Variants in CCSER1 observed in about 807,000 individuals in gnomAD.
CCSER1 encodes serine-rich coiled-coil domain-containing protein 1.
Under a neutral mutation model 82.0 loss-of-function variants are expected in CCSER1, and 41 were observed. The observed-to-expected ratio is 0.50, with a 90% CI of 0.39 to 0.65. CCSER1 has a LOEUF of 0.65. Ranked by LOEUF, CCSER1 falls within the 30% of genes least tolerant of loss-of-function variation. The probability of loss-of-function intolerance (pLI) is 0.00; values close to 1 mark genes in which losing one functional copy is unlikely to be tolerated. For synonymous variants in CCSER1, 414 were observed against 383.9 expected, an observed-to-expected ratio of 1.08 and a Z score of -0.92; for missense variants, 1,119 against 1,064.2, an observed-to-expected ratio of 1.05 and a Z score of -0.72.
At chr4:90,942,159 A>G (rs1427492928) in intron 9 of CCSER1, among the ~76,000 whole-genome samples, 1 of 152,080 alleles carries the variant, frequency 6.6e-6, no homozygotes, top group Non-Finnish European at 1.5e-5. Flanking sequence ...CATGTTGCCC[A>G]GGCTGGTCTT....
intron 9 of CCSER1, among the ~76,000 whole-genome samples, chr4:90,978,726 T>C (rs1735833612): frequency 6.6e-6 from 1 of 151,826 alleles, no homozygotes; most frequent in African/African-American, 2.4e-5. Flanking sequence ...GGTTAGATGA[T>C]GTTCCTTGGA....
chr4:91,139,589 G>A (rs547071379), intron 10 of CCSER1, among the ~76,000 whole-genome samples: 2 of 152,296 alleles, frequency 1.3e-5, no homozygotes, highest in Admixed American at 1.3e-4. Flanking sequence ...CAGGAATAGA[G>A]TGTTGGAGTC....
At position 91,202,555 on chromosome 4, in the gene CCSER1, G is replaced by A. The variant is rs72872989; in HGVS notation, c.2217+116561G>A. 6.5e-3 allele frequency among the ~76,000 whole-genome samples: 981 copies of A among 152,026 alleles called. 7 individuals are homozygous for A. Among genetic ancestry groups the A allele is most frequent in the African/African-American group, 0.022 (930 of 41,498 alleles). ...AGGATTTTTATTGATTGCCGAAAGA[G>A]GCAGGATAGTATTTAAAGATTTTAT... On this transcript the variant is annotated intron_variant, in intron 10 of 10. Transcript: ENST00000509176.
intron 7 of CCSER1, among the ~76,000 whole-genome samples, chr4:90,808,139 G>T (rs1367267496): frequency 2.0e-5 from 3 of 152,022 alleles, no homozygotes; most frequent in Non-Finnish European, 4.4e-5. Context: ...CATACACTGA[G>T]CAAAGAACAC....
chr4:90,326,616 CAGCT>C (rs1738262811), intron 3 of CCSER1, among the ~76,000 whole-genome samples: 1 of 152,102 alleles, frequency 6.6e-6, no homozygotes, highest in Admixed American at 6.5e-5. Context: ...TTTTCATACT[CAGCT>C]AGTTATCTCA....
chr4:90,670,555 C>A (rs954211229), intron 6 of CCSER1, among the ~76,000 whole-genome samples: 2 of 151,990 alleles, frequency 1.3e-5, no homozygotes, highest in Admixed American at 6.6e-5. Flanking sequence ...GGGGAAAGAA[C>A]TTCTGGTAGG....
intron 10 of CCSER1, among the ~76,000 whole-genome samples, chr4:91,092,290 G>C (rs1724045056): frequency 6.6e-6 from 1 of 152,174 alleles, no homozygotes; most frequent in African/African-American, 2.4e-5. Flanking sequence ...CGTAGAGGCA[G>C]TCCAAACCTA....
chr4:91,441,708 A>T lies in CCSER1; in HGVS notation c.2218-156864A>T, dbSNP rs867209015. ...CCCTGTTTGCAGATGACATGACTGT[A>T]TATCTAGAAAACCCCATTGTCTCAG... On this transcript the variant is annotated intron_variant, in intron 10 of 10. Coordinates refer to ENST00000509176, the MANE Select transcript of CCSER1 (RefSeq NM_001145065.2). 4.5e-4 allele frequency among the ~76,000 whole-genome samples: 68 copies of T among 152,268 alleles called. No homozygotes were observed. In the Middle Eastern group the frequency reaches 0.014, roughly 30 times the overall value.
chr4:91,585,518 A>G (rs1763945426), intron 10 of CCSER1, among the ~76,000 whole-genome samples: 1 of 151,542 alleles, frequency 6.6e-6, no homozygotes, highest in Non-Finnish European at 1.5e-5. Flanking sequence ...GTATGTATAT[A>G]CATACATATG....
At chr4:91,000,997 G>T (rs552822557) in intron 9 of CCSER1, among the ~76,000 whole-genome samples, 2 of 152,110 alleles carry the variant, frequency 1.3e-5, no homozygotes, top group East Asian at 1.9e-4. Flanking sequence ...TCCTTGTCTT[G>T]TTCCAGGGGA....
chr4:90,981,671 T>A (rs1400528306), intron 9 of CCSER1, among the ~76,000 whole-genome samples: 4 of 151,818 alleles, frequency 2.6e-5, no homozygotes, highest in African/African-American at 9.7e-5. Context: ...ATAGTTCACA[T>A]CCATCTTGGA....
At chr4:90,472,487 A>G (rs1298983201) in intron 5 of CCSER1, among the ~76,000 whole-genome samples, 1 of 152,208 alleles carries the variant, frequency 6.6e-6, no homozygotes, top group African/African-American at 2.4e-5. Flanking sequence ...ATTTTTCAGC[A>G]TAGCAGGTGA....
intron 5 of CCSER1, among the ~76,000 whole-genome samples, chr4:90,492,742 G>A (rs572002187): frequency 1.3e-5 from 2 of 152,180 alleles, no homozygotes; most frequent in African/African-American, 4.8e-5. Flanking sequence ...TGGTTTCAAA[G>A]AACATCTTTA....
At position 91,070,500 on chromosome 4, in the gene CCSER1, G is replaced by A. The variant is rs77542846; in HGVS notation, c.2173-15450G>A. On this transcript the variant is annotated intron_variant, in intron 9 of 10. Coordinates refer to ENST00000509176, the MANE Select transcript of CCSER1 (RefSeq NM_001145065.2). Reference sequence around the variant, plus strand: ...CAGGGGTCCCTAACCCCCAGGCCACGGACCATGCTTGTCCATGACCTGTTA... The same window carrying A: ...CAGGGGTCCCTAACCCCCAGGCCACAGACCATGCTTGTCCATGACCTGTTA... Among the ~76,000 whole-genome samples, 50 of 152,246 alleles carry A rather than the reference G, an allele frequency of 3.3e-4. No individual in the cohort carries two copies. In the East Asian group the frequency reaches 8.9e-3, roughly 27 times the overall value.
intron 10 of CCSER1, among the ~76,000 whole-genome samples, chr4:91,097,673 A>G (rs1392389934): frequency 6.6e-6 from 1 of 152,202 alleles, no homozygotes; most frequent in East Asian, 1.9e-4. Flanking sequence ...CATTACTGCA[A>G]AAATCCCCGC....
At chr4:90,146,998 A>C (rs919842588) in intron 1 of CCSER1, among the ~76,000 whole-genome samples, 2 of 152,144 alleles carry the variant, frequency 1.3e-5, no homozygotes, top group African/African-American at 4.8e-5. Context: ...AATTGTCTTC[A>C]GGCTACGACT....
At chr4:90,782,789 C>T (rs1239703510) in intron 7 of CCSER1, among the ~76,000 whole-genome samples, 5 of 149,606 alleles carry the variant, frequency 3.3e-5, no homozygotes, top group Non-Finnish European at 7.4e-5. Context: ...TCACGCCATT[C>T]TCCTGCCTCA....
At chr4:91,482,662 C>A (rs1276603003) in intron 10 of CCSER1, among the ~76,000 whole-genome samples, 1 of 151,914 alleles carries the variant, frequency 6.6e-6, no homozygotes, top group South Asian at 2.1e-4. Context: ...TATTGTGGCA[C>A]TATTCACAAT....
intron 10 of CCSER1, among the ~76,000 whole-genome samples, chr4:91,102,645 A>G (rs1221129538): frequency 6.6e-6 from 1 of 152,232 alleles, no homozygotes; most frequent in African/African-American, 2.4e-5. Context: ...GCAAAAAACA[A>G]ATGATAATAT....
Sources: allele counts gnomAD v4.1 joint callset (sites outside exome capture counted in the v4.1 genomes callset), GRCh38; gene constraint gnomAD v4.1.1; transcripts MANE v1.5; gene names NCBI Gene and HGNC (gene_info 2026-07-23, HGNC 2026-07-21).